SLC36A3: variants seen among roughly 807,000 people sequenced by gnomAD.
SLC36A3 encodes the protein solute carrier family 36 member 3, also known as proton-coupled amino acid transporter 3.
Under a neutral mutation model 44.3 loss-of-function variants are expected in SLC36A3, and 35 were observed. The ratio of observed to expected loss-of-function variants is 0.79; its 90% CI spans 0.60 to 1.05. The LOEUF (loss-of-function observed/expected upper bound fraction) is 1.05. Among genes scored for constraint, SLC36A3 ranks in the 50% least tolerant of loss-of-function variants. The pLI is 0.00. For synonymous variants in SLC36A3, 211 were observed against 227.6 expected, an observed-to-expected ratio of 0.93 and a Z score of 0.66; for missense variants, 540 against 578.7, an observed-to-expected ratio of 0.93 and a Z score of 0.69.
chr5:151,276,560 A>G lies in SLC36A3; in HGVS notation c.*833T>C, dbSNP rs1354229516. Among the ~76,000 whole-genome samples, 1 of 152,120 alleles carries G rather than the reference A, an allele frequency of 6.6e-6. No homozygotes were observed. The highest frequency in any genetic ancestry group is 1.5e-5 in the Non-Finnish European group (1 of 68,014). ...GCTTTTATAAGTAAAGTTACCATGA[A>G]TATTTTTGTACAAGTCTTTTTATGG... On this transcript the variant is annotated 3_prime_UTR_variant, in exon 10 of 10. Transcript: ENST00000335230.
In SLC36A3 at chr5:151,293,541, T is replaced by C. The variant is rs1024563353; in HGVS notation, c.309-82A>G. On this transcript the variant is annotated intron_variant, in intron 3 of 9. Coordinates refer to ENST00000335230, the MANE Select transcript of SLC36A3 (RefSeq NM_181774.4). ...TTTCTCCCAAAGTGAGTGATTTTTA[T>C]GTATTTGTGTGTGAGCATGAAGCCT... is the stretch of plus-strand genomic sequence containing the variant. 4 of 1,115,462 alleles carry C rather than the reference T, an allele frequency of 3.6e-6. No homozygotes were observed. In the African/African-American group the frequency reaches 4.7e-5, roughly 13 times the overall value. 69.1% of individuals were successfully genotyped at this position (1,115,462 alleles called of 1,614,324 possible). A position where few individuals can be genotyped will look rare whatever the true frequency, so the allele number is the denominator to read the frequency against.
At chr5:151,300,103 C>T (rs1353637320) in intron 1 of SLC36A3, among the ~76,000 whole-genome samples, 3 of 152,208 alleles carry the variant, frequency 2.0e-5, no homozygotes, top group Non-Finnish European at 2.9e-5. Flanking sequence ...GAGATACAGA[C>T]GAAGTCTCAG....
chr5:151,287,589 C>T, intron 5 of SLC36A3, 125 bp from the exon 6 acceptor site: 1 of 858,038 alleles, frequency 1.2e-6, no homozygotes, highest in Non-Finnish European at 1.8e-6. Context: ...TTGCATAAGA[C>T]ACGCTCATAG....
rs1057453467 is a variant in SLC36A3 at position 151,281,098 on chromosome 5, T to A, written c.1060A>T (p.Ile354Phe). Residue 354 changes from isoleucine (I) to phenylalanine (F), a missense_variant, in exon 9 of 10, where the codon ATC (isoleucine) becomes TTC (phenylalanine). Transcript: ENST00000335230. Reference sequence around the variant, plus strand: ...GACACTTGGGAGATGGCAAACGGGATGATGATCTCAGCTGGGACGTGGAAC... The same window carrying A: ...GACACTTGGGAGATGGCAAACGGGAAGATGATCTCAGCTGGGACGTGGAAC... ...LQFHVPAEII[I>F]PFAISQVSES... 17 of 1,614,130 alleles carry A rather than the reference T, an allele frequency of 1.1e-5. No individual in the cohort carries two copies. Among genetic ancestry groups the A allele is most frequent in the Non-Finnish European group, 1.4e-5 (17 of 1,180,016 alleles).
intron 2 of SLC36A3, chr5:151,296,607 T>C (rs947435608): frequency 9.5e-6 from 3 of 316,272 alleles, no homozygotes; most frequent in African/African-American, 4.3e-5. Flanking sequence ...GGCCCTCACT[T>C]CCTCCAAGAT....
chr5:151,295,992 C>T (rs1434974050), intron 3 of SLC36A3, among the ~76,000 whole-genome samples, 188 bp downstream of exon 3: 2 of 152,188 alleles, frequency 1.3e-5, no homozygotes, highest in Non-Finnish European at 2.9e-5. Flanking sequence ...TTAGCAGCAG[C>T]GTTGGATCTG....
intron 1 of SLC36A3, among the ~76,000 whole-genome samples, chr5:151,299,264 C>CTCTCTCTCTCTCTCTCTA (rs1372309288): frequency 3.7e-4 from 22 of 59,644 alleles, no homozygotes; most frequent in Non-Finnish European, 6.6e-4. Context: ...CTCTCTCTCT[C>CTCTCTCTCTCTCTCTCTA]TATATATATA....
intron 1 of SLC36A3, among the ~76,000 whole-genome samples, 166 bp from the exon 2 acceptor site, chr5:151,298,849 A>G (rs565490774): frequency 6.6e-6 from 1 of 152,290 alleles, no homozygotes; most frequent in Admixed American, 6.5e-5. Context: ...CTGTCCTGGA[A>G]CATCTGATCT....
intron 4 of SLC36A3, 118 bp downstream of exon 4, chr5:151,293,246 C>G (rs1444944994): frequency 1.2e-6 from 1 of 849,136 alleles, no homozygotes; most frequent in African/African-American, 1.7e-5. Flanking sequence ...AGGTGATTCT[C>G]TCTATTGTTT....
intron 6 of SLC36A3, 130 bp downstream of exon 6, chr5:151,287,116 T>C (rs184760913): frequency 5.6e-5 from 44 of 787,770 alleles, no homozygotes; most frequent in African/African-American, 4.9e-4. Context: ...CTAGATGTCA[T>C]GTTGGCAGGG....
chr5:151,284,264 T>C, intron 7 of SLC36A3, 54 bp from the exon 8 acceptor site: 4 of 1,535,514 alleles, frequency 2.6e-6, no homozygotes, highest in Non-Finnish European at 3.5e-6. Context: ...ATGTGGCCCA[T>C]TGTGAAGGAG....
chr5:151,277,627 C>T lies in SLC36A3; in HGVS notation c.1179G>A (p.Leu393=). The change falls in exon 10 of 10, where the codon TTG becomes TTA. Residue 393 remains leucine (L), a synonymous_variant. Transcript: ENST00000335230. The stretch of plus-strand genomic sequence containing the variant: ...TCACGGAGCCTACCAGGGAGATGAC[C>T]AAGTCCAGGCGGGGGATGAGGATGG... ...VSAILIPRLD[L]VISLVGSVSS... The T allele has an allele frequency of 6.2e-7, 1 of 1,614,090 alleles. No individual in the cohort carries two copies. Among genetic ancestry groups the T allele is most frequent in the South Asian group, 1.1e-5 (1 of 91,078 alleles).
At chr5:151,282,123 T>TG (rs1285435517) in intron 8 of SLC36A3, among the ~76,000 whole-genome samples, 4 of 140,986 alleles carry the variant, frequency 2.8e-5, no homozygotes, top group African/African-American at 8.2e-5. Context: ...TTTTTTTTTT[T>TG]TTTTTTTTTT....
At position 151,303,597 on chromosome 5, in the gene SLC36A3, G is replaced by C; in HGVS notation, c.-243C>G. 1 of 437,126 alleles carries C rather than the reference G, an allele frequency of 2.3e-6. No individual in the cohort carries two copies. Among genetic ancestry groups the C allele is most frequent in the Non-Finnish European group, 4.1e-6 (1 of 245,498 alleles). The allele number at this position is 437,126 out of a possible 1,614,324, so 27.1% of individuals were successfully genotyped here. ...ACTTATGAAAGACCCATCTCAGTCA[G>C]GATGGTCCTCAGTTTCACTCGCAAT... On this transcript the variant is annotated 5_prime_UTR_variant, in exon 1 of 10. Coordinates refer to ENST00000335230, the MANE Select transcript of SLC36A3 (RefSeq NM_181774.4).
Position 151,288,426 on chromosome 5 carries a change from C to A in SLC36A3, c.449G>T (p.Cys150Phe), listed in dbSNP as rs77996853. 6.2e-7 allele frequency: 1 copy of A among 1,601,334 alleles called. No individual in the cohort carries two copies. The highest frequency in any genetic ancestry group is 2.3e-5 in the East Asian group (1 of 44,206). Residue 150 changes from cysteine (C) to phenylalanine (F), a missense_variant, in exon 5 of 10, where the codon TGC (cysteine) becomes TTC (phenylalanine). Physicochemically the swap from Cys to Phe is radical, Grantham distance 205. Transcript: ENST00000335230. ...FLLVITQLGF[C>F]SVYFMFMADN... ...TGCCATAAACATAAAATAAACACTGCAGAAGCCCAGCTGGGTGATGACTAA... is the reference window on the plus strand; with the variant it reads ...TGCCATAAACATAAAATAAACACTGAAGAAGCCCAGCTGGGTGATGACTAA...
At chr5:151,299,256 C>A (rs901228257) in intron 1 of SLC36A3, among the ~76,000 whole-genome samples, 3,598 of 74,908 alleles carry the variant, frequency 0.048, 66 homozygotes, top group East Asian at 0.12. Flanking sequence ...CTCTCTCTCT[C>A]TCTCTCTCTA....
chr5:151,299,260 C>CTATATATATA (rs1418346991), intron 1 of SLC36A3, among the ~76,000 whole-genome samples: 14 of 65,464 alleles, frequency 2.1e-4, no homozygotes, highest in East Asian at 5.5e-4. Context: ...CTCTCTCTCT[C>CTATATATATA]TCTCTATATA....
intron 5 of SLC36A3, 132 bp from the exon 6 acceptor site, chr5:151,287,596 A>G: frequency 2.5e-6 from 2 of 813,440 alleles, no homozygotes; most frequent in Non-Finnish European, 3.8e-6. Flanking sequence ...AGACACGCTC[A>G]TAGTAAAACA....
chr5:151,300,131 C>T (rs1236647372), intron 1 of SLC36A3, among the ~76,000 whole-genome samples: 1 of 152,188 alleles, frequency 6.6e-6, no homozygotes, highest in Non-Finnish European at 1.5e-5. Context: ...CAGAGAATGC[C>T]CTCTTGCCAC....
Sources: allele counts gnomAD v4.1 joint callset (sites outside exome capture counted in the v4.1 genomes callset), GRCh38; gene constraint gnomAD v4.1.1; transcripts MANE v1.5; gene names NCBI Gene and HGNC (gene_info 2026-07-23, HGNC 2026-07-21).